Variants in ZNF644 observed in about 807,000 individuals in gnomAD.
ZNF644 encodes zinc finger motif enhancer binding protein 2.
A neutral mutation model predicts 108.0 loss-of-function variants in ZNF644; 20 were observed. That is an observed-to-expected ratio of 0.19 (90% confidence interval 0.13 to 0.27). The LOEUF (loss-of-function observed/expected upper bound fraction) is 0.27. Ranked by LOEUF, ZNF644 falls within the 10% of genes least tolerant of loss-of-function variation. The pLI is 1.00. For synonymous variants in ZNF644, 542 were observed against 539.1 expected (o/e 1.01, Z -0.08); for missense variants, 1,338 against 1,548.9 (o/e 0.86, Z 2.29).
intron 2 of ZNF644, among the ~76,000 whole-genome samples, chr1:90,954,634 T>C (rs1653556446): frequency 6.6e-6 from 1 of 152,222 alleles, no homozygotes; most frequent in Non-Finnish European, 1.5e-5. Context: ...CTTGAACTCC[T>C]GACCTCAAGT....
intron 1 of ZNF644, among the ~76,000 whole-genome samples, chr1:91,001,943 A>G (rs574491798): frequency 1.3e-5 from 2 of 152,322 alleles, no homozygotes. Flanking sequence ...TTCAAAGAGA[A>G]TAAAATACCT....
intron 2 of ZNF644, among the ~76,000 whole-genome samples, chr1:90,962,430 C>T (rs1206715636): frequency 6.6e-6 from 1 of 151,824 alleles, no homozygotes; most frequent in East Asian, 1.9e-4. Context: ...TAAATGATGT[C>T]ATATAAAACA....
At chr1:90,973,184 C>A (rs1003571565) in intron 2 of ZNF644, 6 of 150,178 alleles carry the variant, frequency 4.0e-5, no homozygotes, top group African/African-American at 9.8e-5. Flanking sequence ...CAATAAATAA[C>A]AAATATGTCT....
intron 4 of ZNF644, among the ~76,000 whole-genome samples, chr1:90,926,995 C>G (rs1650110589): frequency 6.6e-6 from 1 of 152,270 alleles, no homozygotes; most frequent in South Asian, 2.1e-4. Flanking sequence ...ACTCAATTCC[C>G]TTACCTCCTA....
At position 90,986,688 on chromosome 1, in the gene ZNF644, T is replaced by A. The variant is rs372146455; in HGVS notation, c.-17-4318A>T. The stretch of plus-strand genomic sequence containing the variant: ...TAAATATGCTGAAGAGACATGAACA[T>A]ATTTTAGAAAACTAAACACTGACAA... On this transcript the variant is annotated intron_variant, in intron 1 of 5. Transcript: ENST00000337393. Among the ~76,000 whole-genome samples the A allele has an allele frequency of 3.3e-5, 5 of 152,122 alleles. No individual in the cohort carries two copies. The East Asian group carries it at 9.7e-4, about 29-fold the overall frequency.
intron 1 of ZNF644, 146 bp downstream of exon 1, chr1:91,021,844 C>T (rs1293664571): frequency 5.0e-6 from 2 of 397,522 alleles, no homozygotes; most frequent in African/African-American, 4.1e-5. Context: ...GGGACCCAGC[C>T]TAGGGCGTAG....
intron 1 of ZNF644, among the ~76,000 whole-genome samples, chr1:90,982,981 C>T (rs1656713661): frequency 6.6e-6 from 1 of 151,996 alleles, no homozygotes; most frequent in Non-Finnish European, 1.5e-5. Flanking sequence ...ACTTCTACAC[C>T]AACAATCCAC....
At chr1:90,992,346 A>G (rs1268836131) in intron 1 of ZNF644, among the ~76,000 whole-genome samples, 1 of 152,168 alleles carries the variant, frequency 6.6e-6, no homozygotes, top group Non-Finnish European at 1.5e-5. Flanking sequence ...AAAAAAGTCA[A>G]ATCTCGAAGT....
intron 2 of ZNF644, among the ~76,000 whole-genome samples, chr1:90,974,579 T>C (rs888732440): frequency 6.6e-5 from 10 of 152,152 alleles, no homozygotes; most frequent in Non-Finnish European, 1.2e-4. Context: ...CCTTTCTTAT[T>C]CTCCTACTCC....
At chr1:90,956,178 C>T (rs1215842949) in intron 2 of ZNF644, among the ~76,000 whole-genome samples, 3 of 152,220 alleles carry the variant, frequency 2.0e-5, no homozygotes, top group Middle Eastern at 6.8e-3. Flanking sequence ...TTGTGGTGCC[C>T]TAAAACAATT....
intron 1 of ZNF644, among the ~76,000 whole-genome samples, chr1:90,998,278 T>C (rs1658381000): frequency 6.6e-6 from 1 of 152,180 alleles, no homozygotes; most frequent in African/African-American, 2.4e-5. Flanking sequence ...CTGAGTAGCC[T>C]AACTGGGAGG....
chr1:90,985,058 T>G (rs1244116726), intron 1 of ZNF644, among the ~76,000 whole-genome samples: 1 of 152,208 alleles, frequency 6.6e-6, no homozygotes, highest in Non-Finnish European at 1.5e-5. Flanking sequence ...CTTAAGCTGT[T>G]TAATTTTACC....
intron 1 of ZNF644, among the ~76,000 whole-genome samples, chr1:90,998,501 A>T (rs1396811002): frequency 6.6e-6 from 1 of 152,210 alleles, no homozygotes; most frequent in Non-Finnish European, 1.5e-5. Context: ...TGTTAGAAGG[A>T]AAACTAACAA....
intron 1 of ZNF644, among the ~76,000 whole-genome samples, chr1:91,008,715 G>T (rs180708708): frequency 6.6e-6 from 1 of 152,290 alleles, no homozygotes; most frequent in African/African-American, 2.4e-5. Context: ...TGCCTCATCA[G>T]ATAACTTGGA....
chr1:90,960,882 T>C (rs984763621), intron 2 of ZNF644, among the ~76,000 whole-genome samples: 36 of 152,042 alleles, frequency 2.4e-4, no homozygotes, highest in Admixed American at 2.1e-3. Flanking sequence ...AGGAGTAACA[T>C]CCTCATTAAA....
chr1:90,992,171 G>A (rs773983814), intron 1 of ZNF644, among the ~76,000 whole-genome samples: 25 of 152,128 alleles, frequency 1.6e-4, no homozygotes, highest in Admixed American at 4.6e-4. Flanking sequence ...CAGGCATAAG[G>A]AAACTTTTTG....
chr1:91,007,973 C>T (rs906533017), intron 1 of ZNF644, among the ~76,000 whole-genome samples: 1 of 152,156 alleles, frequency 6.6e-6, no homozygotes, highest in Non-Finnish European at 1.5e-5. Flanking sequence ...ATCTGGGCCA[C>T]ATCTGTTATC....
chr1:90,985,721 C>T lies in ZNF644; in HGVS notation c.-17-3351G>A, dbSNP rs686153. Among the ~76,000 whole-genome samples the T allele has an allele frequency of 1.5e-3, 232 of 152,288 alleles. 4 individuals are homozygous for T. The highest frequency in any genetic ancestry group is 0.01 in the Middle Eastern group (3 of 294). On this transcript the variant is annotated intron_variant, in intron 1 of 5. Coordinates refer to ENST00000337393, the MANE Select transcript of ZNF644 (RefSeq NM_201269.3). ...CATCCAATGATGGACACCTAGGTTG[C>T]TTCCCTATTTTAGCTATTGTGAATA...
At position 90,948,645 on chromosome 1, in the gene ZNF644, G is replaced by A. The variant is rs116503006; in HGVS notation, c.45-7336C>T. ...TTTTATCTGCATTTGGTTTGGGTGC[G>A]GATGCAGAACCCACAGATACAGAAA... On this transcript the variant is annotated intron_variant, in intron 2 of 5. Transcript: ENST00000337393. Among the ~76,000 whole-genome samples, 714 of 152,230 alleles carry A rather than the reference G, an allele frequency of 4.7e-3. 3 individuals are homozygous for A. Among genetic ancestry groups the A allele is most frequent in the African/African-American group, 0.014 (589 of 41,530 alleles).
Sources: gnomAD v4.1 joint callset for allele counts (sites outside exome capture counted in the v4.1 genomes callset) on GRCh38, gnomAD v4.1.1 for gene constraint, MANE v1.5 for transcripts, NCBI Gene and HGNC (gene_info 2026-07-23, HGNC 2026-07-21) for gene names.